RTN1: variants seen among roughly 807,000 people sequenced by gnomAD.
The protein encoded by RTN1 is reticulon-1.
A neutral mutation model predicts 65.5 loss-of-function variants in RTN1; 25 were observed. That is an observed-to-expected ratio of 0.38 (90% confidence interval 0.28 to 0.53). The LOEUF (loss-of-function observed/expected upper bound fraction) is 0.53, where lower values mean the gene tolerates loss of function less well. Ranked by LOEUF, RTN1 falls within the 20% of genes least tolerant of loss-of-function variation. The pLI, the probability that RTN1 is intolerant of heterozygous loss-of-function variation, is 0.79. For missense variants in RTN1, 983 were observed against 1,025.4 expected (o/e 0.96, Z 0.57); for synonymous variants, 471 against 447.6 (o/e 1.05, Z -0.66).
chr14:59,625,952 G>T (rs1594639368), intron 3 of RTN1, among the ~76,000 whole-genome samples: 1 of 152,090 alleles, frequency 6.6e-6, no homozygotes, highest in Non-Finnish European at 1.5e-5. Flanking sequence ...CCCCAGCTAA[G>T]GCAGTTTTCC....
intron 3 of RTN1, among the ~76,000 whole-genome samples, chr14:59,682,962 C>T (rs1369832860): frequency 6.6e-6 from 1 of 151,928 alleles, no homozygotes; most frequent in South Asian, 2.1e-4. Context: ...TGATTTGTAC[C>T]TAGGGGAGTG....
chr14:59,777,729 T>C (rs12893956), intron 1 of RTN1, among the ~76,000 whole-genome samples: 60,348 of 151,492 alleles, frequency 0.4, 12,468 homozygotes, highest in African/African-American at 0.49. Flanking sequence ...TCCAGCAAAA[T>C]ATAATAACCT....
chr14:59,747,572 C>T lies in RTN1; in HGVS notation c.242-1091G>A, dbSNP rs149890227. Among the ~76,000 whole-genome samples the T allele has an allele frequency of 2.0e-3, 309 of 152,226 alleles. 1 individual carries two copies. The highest frequency in any genetic ancestry group is 6.9e-3 in the African/African-American group (286 of 41,538). Reference sequence around the variant, plus strand: ...GGTAAGCTGAGATTGCGCCATTGCACTCCAGCCTGGGCAACAAGAGCAAAA... The same window carrying T: ...GGTAAGCTGAGATTGCGCCATTGCATTCCAGCCTGGGCAACAAGAGCAAAA... On this transcript the variant is annotated intron_variant, in intron 1 of 8. Coordinates refer to ENST00000267484, the MANE Select transcript of RTN1 (RefSeq NM_021136.3).
intron 1 of RTN1, among the ~76,000 whole-genome samples, chr14:59,812,373 A>C (rs559595878): frequency 1.7e-3 from 255 of 152,338 alleles, no homozygotes; most frequent in African/African-American, 5.6e-3. Flanking sequence ...ATGGTTAAGA[A>C]ATACATAAAT....
chr14:59,857,926 C>G (rs1257221890), intron 1 of RTN1, among the ~76,000 whole-genome samples: 1 of 152,184 alleles, frequency 6.6e-6, no homozygotes, highest in East Asian at 1.9e-4. Flanking sequence ...CATCCCCATA[C>G]TCAGACTGCC....
At chr14:59,721,722 G>A (rs1014450423) in intron 3 of RTN1, among the ~76,000 whole-genome samples, 1 of 152,160 alleles carries the variant, frequency 6.6e-6, no homozygotes, top group Non-Finnish European at 1.5e-5. Flanking sequence ...TTTTTATTTT[G>A]ATATTAATTT....
chr14:59,856,723 T>A (rs1178231781), intron 1 of RTN1, among the ~76,000 whole-genome samples: 1 of 152,198 alleles, frequency 6.6e-6, no homozygotes, highest in Non-Finnish European at 1.5e-5. Context: ...AGGTCCAGCT[T>A]GGCACAGCAA....
intron 3 of RTN1, among the ~76,000 whole-genome samples, chr14:59,692,784 C>T (rs1453184824): frequency 6.6e-6 from 1 of 152,090 alleles, no homozygotes; most frequent in Non-Finnish European, 1.5e-5. Flanking sequence ...TGATATTCAA[C>T]AAGGTTGATA....
intron 3 of RTN1, among the ~76,000 whole-genome samples, chr14:59,686,442 A>G (rs1194100757): frequency 6.6e-6 from 1 of 152,262 alleles, no homozygotes; most frequent in Non-Finnish European, 1.5e-5. Context: ...GTTACTATTC[A>G]AAATGTATAA....
chr14:59,724,243 G>A (rs939063503), intron 3 of RTN1, among the ~76,000 whole-genome samples: 4 of 152,198 alleles, frequency 2.6e-5, no homozygotes, highest in African/African-American at 9.7e-5. Flanking sequence ...TCTGAAAGGT[G>A]AGAAAGCTCC....
chr14:59,844,790 CAT>C (rs1241170128), intron 1 of RTN1, among the ~76,000 whole-genome samples: 3 of 152,136 alleles, frequency 2.0e-5, no homozygotes, highest in African/African-American at 7.2e-5. Flanking sequence ...TTAGGGAAAA[CAT>C]ATAAATAAAT....
chr14:59,832,645 C>A (rs1266912685), intron 1 of RTN1, among the ~76,000 whole-genome samples: 1 of 152,230 alleles, frequency 6.6e-6, no homozygotes, highest in East Asian at 1.9e-4. Context: ...CTACACTGGG[C>A]ATAATAGCAC....
At chr14:59,762,299 C>T (rs1885765521) in intron 1 of RTN1, among the ~76,000 whole-genome samples, 1 of 152,162 alleles carries the variant, frequency 6.6e-6, no homozygotes, top group Non-Finnish European at 1.5e-5. Context: ...GGCCCAGTTT[C>T]CTCACTTGCA....
intron 1 of RTN1, among the ~76,000 whole-genome samples, chr14:59,812,641 G>T (rs1886749782): frequency 6.6e-6 from 1 of 152,200 alleles, no homozygotes; most frequent in Admixed American, 6.5e-5. Flanking sequence ...GGTCAATTCA[G>T]CTATTTTCTC....
chr14:59,657,907 C>T (rs1363032272), intron 3 of RTN1, among the ~76,000 whole-genome samples: 1 of 152,132 alleles, frequency 6.6e-6, no homozygotes, highest in Admixed American at 6.5e-5. Flanking sequence ...CATTCACTGC[C>T]CTGGAAAGGG....
rs146057051 is a variant in RTN1 at position 59,612,426 on chromosome 14, C to G, written c.1766-4934G>C. On this transcript the variant is annotated intron_variant, in intron 3 of 8. Coordinates refer to ENST00000267484, the MANE Select transcript of RTN1 (RefSeq NM_021136.3). ...CCAAGTTTCTGGTCTCTCTCTCTCT[C>G]CCTTTCTCTGTCTGGGTAAAACAGT... Among the ~76,000 whole-genome samples, 506 of 152,304 alleles carry G rather than the reference C, an allele frequency of 3.3e-3. 1 individual carries two copies. Among genetic ancestry groups the G allele is most frequent in the African/African-American group, 0.012 (488 of 41,554 alleles).
At position 59,748,005 on chromosome 14, in the gene RTN1, C is replaced by T. The variant is rs1056780917; in HGVS notation, c.242-1524G>A. On this transcript the variant is annotated intron_variant, in intron 1 of 8. Coordinates refer to ENST00000267484, the MANE Select transcript of RTN1 (RefSeq NM_021136.3). The stretch of plus-strand genomic sequence containing the variant: ...TCTAAACTTTTCATTAATATCAACT[C>T]ATTTCATAATCAAAGCAATCCTAGA... 5.9e-5 allele frequency among the ~76,000 whole-genome samples: 9 copies of T among 152,220 alleles called. 1 individual carries two copies. The Middle Eastern group carries it at 0.02, about 345-fold the overall frequency.
Position 59,749,126 on chromosome 14 carries a change from A to ATC in RTN1, c.242-2646_242-2645insGA, listed in dbSNP as rs1386858488. Among the ~76,000 whole-genome samples the ATC allele has an allele frequency of 2.0e-3, 72 of 35,656 alleles. 3 individuals are homozygous for ATC. Among genetic ancestry groups the ATC allele is most frequent in the African/African-American group, 8.9e-3 (33 of 3,690 alleles). The allele number at this position is 35,656 out of a possible 152,430, so 23.4% of individuals were successfully genotyped here. A position where few individuals can be genotyped will look rare whatever the true frequency, so the allele number is the denominator to read the frequency against. ...TCTATATATATATATATATATATAG[A>ATC]TATATCTATATCTATCTATCTATCT... is the stretch of plus-strand genomic sequence containing the variant. On this transcript the variant is annotated intron_variant, in intron 1 of 8. Transcript: ENST00000267484.
intron 3 of RTN1, among the ~76,000 whole-genome samples, chr14:59,706,691 G>T (rs1055517518): frequency 1.3e-5 from 2 of 152,152 alleles, no homozygotes; most frequent in African/African-American, 4.8e-5. Context: ...CTAATTACCT[G>T]ACCTCAGAAT....
Sources: allele counts gnomAD v4.1 joint callset (sites outside exome capture counted in the v4.1 genomes callset), GRCh38; gene constraint gnomAD v4.1.1; transcripts MANE v1.5; gene names NCBI Gene and HGNC (gene_info 2026-07-23, HGNC 2026-07-21).